Variants in NELL1 observed in about 807,000 individuals in gnomAD.
NELL1 encodes protein kinase C-binding protein NELL1.
NELL1 carries 76 observed loss-of-function variants against 107.4 expected under a neutral mutation model. The observed-to-expected ratio is 0.71, with a 90% CI of 0.59 to 0.86. The LOEUF (loss-of-function observed/expected upper bound fraction) is 0.86. Among genes scored for constraint, NELL1 ranks in the 40% least tolerant of loss-of-function variants. NELL1 has a pLI of 0.00. For synonymous variants in NELL1, 353 were observed against 341.2 expected (o/e 1.03, Z -0.38); for missense variants, 1,024 against 1,005.5 (o/e 1.02, Z -0.25).
chr11:21,342,407 T>A lies in NELL1; in HGVS notation c.1550-28446T>A, dbSNP rs1162722828. ...TGTAATCCCAGTGCTTTGAGAGGCT[T>A]AAGTGGGGGGGGGGGTCACTTGAGG... On this transcript the variant is annotated intron_variant, in intron 14 of 19. Transcript: ENST00000357134. 2.2e-4 allele frequency among the ~76,000 whole-genome samples: 18 copies of A among 80,328 alleles called. No individual in the cohort carries two copies. In the East Asian group the frequency reaches 6.9e-3, roughly 31 times the overall value. The allele number at this position is 80,328 out of a possible 152,430, so 52.7% of individuals were successfully genotyped here. A position where few individuals can be genotyped will look rare whatever the true frequency, so the allele number is the denominator to read the frequency against.
intron 13 of NELL1, among the ~76,000 whole-genome samples, chr11:21,148,583 C>T (rs1184638969): frequency 6.6e-6 from 1 of 152,162 alleles, no homozygotes; most frequent in Admixed American, 6.5e-5. Context: ...TGCTGATGAA[C>T]AGCGTGGGAT....
intron 12 of NELL1, among the ~76,000 whole-genome samples, chr11:20,976,970 ATAAT>A (rs975636431): frequency 3.3e-5 from 5 of 151,406 alleles, no homozygotes; most frequent in African/African-American, 1.2e-4. Flanking sequence ...TTTTTGAATC[ATAAT>A]TAAGAAGAGA....
At chr11:21,038,770 T>C (rs945738513) in intron 12 of NELL1, among the ~76,000 whole-genome samples, 12 of 152,240 alleles carry the variant, frequency 7.9e-5, no homozygotes. Context: ...GGACCAATGC[T>C]GGCCTGCAAA....
At chr11:20,775,691 C>A (rs1373944129) in intron 2 of NELL1, among the ~76,000 whole-genome samples, 1 of 152,124 alleles carries the variant, frequency 6.6e-6, no homozygotes, top group Non-Finnish European at 1.5e-5. Flanking sequence ...AATTTCTTAG[C>A]AACAGGGAAT....
chr11:21,248,341 CA>C (rs373293988), intron 14 of NELL1, among the ~76,000 whole-genome samples: 2,324 of 126,700 alleles, frequency 0.018, 56 homozygotes, highest in African/African-American at 0.062. Flanking sequence ...GAGAGCCTGT[CA>C]AAAAAAAAAA....
At chr11:20,753,059 G>GA (rs1358734571) in intron 2 of NELL1, among the ~76,000 whole-genome samples, 1 of 152,092 alleles carries the variant, frequency 6.6e-6, no homozygotes, top group Non-Finnish European at 1.5e-5. Flanking sequence ...ACAGGAGAAA[G>GA]AAAAAATTAA....
At chr11:21,189,173 C>T (rs1856997287) in intron 13 of NELL1, among the ~76,000 whole-genome samples, 1 of 151,826 alleles carries the variant, frequency 6.6e-6, no homozygotes, top group South Asian at 2.1e-4. Flanking sequence ...ATACAGTAAT[C>T]CATTGTATGA....
At chr11:21,209,589 C>G (rs985108133) in intron 13 of NELL1, among the ~76,000 whole-genome samples, 2 of 151,946 alleles carry the variant, frequency 1.3e-5, no homozygotes, top group Non-Finnish European at 2.9e-5. Flanking sequence ...TAATTTTTAA[C>G]AGTTTGTTAA....
rs533853883 is a variant in NELL1, at chr11:20,975,576, A to G, written c.1300+15016A>G. Among the ~76,000 whole-genome samples the G allele has an allele frequency of 1.8e-3, 266 of 144,820 alleles. 2 individuals carry two copies. Among genetic ancestry groups the G allele is most frequent in the African/African-American group, 6.3e-3 (250 of 39,594 alleles). ...CATATATGTACAGATATAATGTATT[A>G]TATACACATATGTAGATATAATGTA... On this transcript the variant is annotated intron_variant, in intron 12 of 19. Coordinates refer to ENST00000357134, the MANE Select transcript of NELL1 (RefSeq NM_006157.5).
intron 12 of NELL1, among the ~76,000 whole-genome samples, chr11:21,100,766 A>G (rs1854785708): frequency 6.6e-6 from 1 of 152,124 alleles, no homozygotes; most frequent in Non-Finnish European, 1.5e-5. Context: ...TATTTTATAT[A>G]TTGTTCTTCC....
chr11:20,682,029 C>T (rs1401669258), intron 2 of NELL1, among the ~76,000 whole-genome samples: 2 of 152,084 alleles, frequency 1.3e-5, no homozygotes, highest in African/African-American at 2.4e-5. Context: ...ATAATTTAAT[C>T]ACATCTGCAA....
intron 12 of NELL1, among the ~76,000 whole-genome samples, chr11:21,110,162 T>C (rs1467922396): frequency 6.6e-6 from 1 of 152,156 alleles, no homozygotes. Flanking sequence ...AATTTTCTGG[T>C]ACATTCATCA....
intron 15 of NELL1, among the ~76,000 whole-genome samples, chr11:21,482,245 A>C (rs1226589297): frequency 6.6e-6 from 1 of 152,072 alleles, no homozygotes; most frequent in Admixed American, 6.6e-5. Flanking sequence ...TGGACTGTGG[A>C]CTCCACTGTA....
At chr11:20,846,976 A>G (rs1265616699) in intron 3 of NELL1, among the ~76,000 whole-genome samples, 1 of 152,240 alleles carries the variant, frequency 6.6e-6, no homozygotes, top group Admixed American at 6.5e-5. Flanking sequence ...ATCCTGGAAA[A>G]GAAAAAACTT....
chr11:21,085,646 A>C (rs983470209), intron 12 of NELL1, among the ~76,000 whole-genome samples: 1 of 152,130 alleles, frequency 6.6e-6, no homozygotes, highest in African/African-American at 2.4e-5. Context: ...AAACCAAAAA[A>C]CAAAAAACGA....
At position 20,729,516 on chromosome 11, in the gene NELL1, AG is replaced by A. The variant is rs532306950; in HGVS notation, c.184+51459del. Among the ~76,000 whole-genome samples the A allele has an allele frequency of 3.1e-3, 467 of 152,320 alleles. 1 individual carries two copies. Among genetic ancestry groups the A allele is most frequent in the African/African-American group, 0.011 (448 of 41,570 alleles). ...AGTTTCTTGAGGGTTTTTATCATAAAGGGATGTTGGATTTTATGGAAAGCTT... is the reference window on the plus strand; with the variant it reads ...AGTTTCTTGAGGGTTTTTATCATAAAGGATGTTGGATTTTATGGAAAGCTT... On this transcript the variant is annotated intron_variant, in intron 2 of 19. Coordinates refer to ENST00000357134, the MANE Select transcript of NELL1 (RefSeq NM_006157.5).
chr11:20,680,299 G>A lies in NELL1; in HGVS notation c.184+2239G>A, dbSNP rs1854158551. Among the ~76,000 whole-genome samples, 2 of 152,032 alleles carry A rather than the reference G, an allele frequency of 1.3e-5. 1 individual carries two copies. The highest frequency in any genetic ancestry group is 4.1e-4 in the South Asian group (2 of 4,828). On this transcript the variant is annotated intron_variant, in intron 2 of 19. Coordinates refer to ENST00000357134, the MANE Select transcript of NELL1 (RefSeq NM_006157.5). ...TGCCCTCTAGATCCCAAGGATTCAT[G>A]TCTGTCCCACATGCAAAATACATTC...
chr11:20,939,221 C>T (rs937740004), intron 10 of NELL1, among the ~76,000 whole-genome samples: 10 of 151,932 alleles, frequency 6.6e-5, no homozygotes, highest in African/African-American at 2.4e-4. Context: ...CAGATGATGT[C>T]CAGGTTCCTG....
chr11:21,128,581 A>G (rs1437540752), intron 13 of NELL1, among the ~76,000 whole-genome samples: 1 of 152,158 alleles, frequency 6.6e-6, no homozygotes, highest in East Asian at 1.9e-4. Context: ...ATTTTTTCTC[A>G]TTAGGAGAGC....
Sources: allele counts gnomAD v4.1 joint callset (sites outside exome capture counted in the v4.1 genomes callset), GRCh38; gene constraint gnomAD v4.1.1; transcripts MANE v1.5; gene names NCBI Gene and HGNC (gene_info 2026-07-23, HGNC 2026-07-21).